The following FAM171B variants were observed in gnomAD, a reference collection of about 807,000 sequenced individuals.
The protein encoded by FAM171B is protein FAM171B.
Under a neutral mutation model 75.6 loss-of-function variants are expected in FAM171B, and 19 were observed. The ratio of observed to expected loss-of-function variants is 0.25; its 90% CI spans 0.18 to 0.37. The LOEUF is 0.37. Ranked by LOEUF, FAM171B falls within the 10% of genes least tolerant of loss-of-function variation. The pLI is 1.00. For missense variants in FAM171B, 848 were observed against 982.4 expected (o/e 0.86, Z 1.83); for synonymous variants, 367 against 361.7 (o/e 1.01, Z -0.17).
At position 186,743,505 on chromosome 2, in the gene FAM171B, A is replaced by G; in HGVS notation, c.495A>G (p.Ser165=). 1 of 1,611,980 alleles carries G rather than the reference A, an allele frequency of 6.2e-7. No homozygotes were observed. Among genetic ancestry groups the G allele is most frequent in the South Asian group, 1.1e-5 (1 of 90,938 alleles). Residue 165 remains serine, a synonymous_variant, in exon 3 of 8, where the codon TCA becomes TCG. Transcript: ENST00000304698. The stretch of plus-strand genomic sequence containing the variant: ...CAGTATATTCATCAGTTACACTTTC[A>G]CTGTTCCCGCAAAGCCAAGCAAATA... ...RMPIYSSVTL[S]LFPQSQANIW... is the part of the protein sequence containing the mutation.
chr2:186,724,705 T>A (rs904402341), intron 1 of FAM171B, among the ~76,000 whole-genome samples: 2 of 152,128 alleles, frequency 1.3e-5, no homozygotes, highest in Non-Finnish European at 2.9e-5. Flanking sequence ...CCATTTGGAT[T>A]TCAGAGAGAA....
rs1491572210 is a variant in FAM171B at position 186,707,840 on chromosome 2, TTA to T, written c.238+13430_238+13431del. 5.8e-4 allele frequency among the ~76,000 whole-genome samples: 62 copies of T among 106,580 alleles called. 1 individual carries two copies. The highest frequency in any genetic ancestry group is 5.0e-3 in the Middle Eastern group (1 of 200). 69.9% of individuals were successfully genotyped at this position (106,580 alleles called of 152,430 possible). On this transcript the variant is annotated intron_variant, in intron 1 of 7. Coordinates refer to ENST00000304698, the MANE Select transcript of FAM171B (RefSeq NM_177454.4). The stretch of plus-strand genomic sequence containing the variant: ...TTAGCTTAAATACCACTTTTTTTTT[TTA>T]AAAAAAAAAAAAGGTTTTTCATTGA...
At chr2:186,718,991 A>G (rs78674893) in intron 1 of FAM171B, among the ~76,000 whole-genome samples, 32 of 152,274 alleles carry the variant, frequency 2.1e-4, no homozygotes, top group African/African-American at 7.2e-4. Flanking sequence ...TCTGCTATTC[A>G]TGCTGTGCTA....
chr2:186,759,654 A>G (rs879841692), intron 6 of FAM171B, among the ~76,000 whole-genome samples: 2 of 151,888 alleles, frequency 1.3e-5, no homozygotes, highest in Non-Finnish European at 2.9e-5. Context: ...GAAATGTTCT[A>G]TTCAAGTCTT....
intron 1 of FAM171B, chr2:186,695,071 G>A (rs1689559550): frequency 6.6e-6 from 1 of 152,240 alleles, no homozygotes. Context: ...GAAGGAAAGG[G>A]AAAAGGAGAG....
At chr2:186,726,277 T>TTTTTTC (rs1175151787) in intron 1 of FAM171B, among the ~76,000 whole-genome samples, 1 of 152,172 alleles carries the variant, frequency 6.6e-6, no homozygotes. Flanking sequence ...ACGCACATAT[T>TTTTTTC]TTTTTCTTTT....
In FAM171B at chr2:186,762,790, GCGAGAGGAACGCC is replaced by G; in HGVS notation, c.2450_2462del (p.Arg817HisfsTer2). The G allele has an allele frequency of 6.2e-7, 1 of 1,612,882 alleles. No individual in the cohort carries two copies. The highest frequency in any genetic ancestry group is 1.1e-5 in the South Asian group (1 of 91,016). On this transcript the variant is annotated frameshift_variant, in exon 8 of 8. Transcript: ENST00000304698. LOFTEE classifies it high-confidence loss of function. The surrounding 1 kb of genome is among the most constrained non-coding windows in gnomAD (Gnocchi z 4.0). ...ATAGCAAGACTAACATCTGGAAGAAGCGAGAGGAACGCCCACTGATTCCCATAAATTAACTCCA... is the reference window on the plus strand; with the variant it reads ...ATAGCAAGACTAACATCTGGAAGAAGCACTGATTCCCATAAATTAACTCCA...
At chr2:186,731,587 A>G (rs1262317857) in intron 1 of FAM171B, among the ~76,000 whole-genome samples, 1 of 152,176 alleles carries the variant, frequency 6.6e-6, no homozygotes, top group East Asian at 1.9e-4. Context: ...CTACACTTAT[A>G]GTTTTTTATA....
chr2:186,731,916 C>T (rs1048288473), intron 1 of FAM171B, among the ~76,000 whole-genome samples: 28 of 152,242 alleles, frequency 1.8e-4, no homozygotes, highest in African/African-American at 6.5e-4. Flanking sequence ...GATGATCTGT[C>T]ACTCTCTCCC....
chr2:186,739,639 GAAGTGTCATCTCCC>G (rs1232015904), intron 1 of FAM171B, among the ~76,000 whole-genome samples: 1 of 152,146 alleles, frequency 6.6e-6, no homozygotes, highest in African/African-American at 2.4e-5. Flanking sequence ...AGCATGCATG[GAAGTGTCATCTCCC>G]AAGATAACAA....
chr2:186,714,270 G>A (rs1051711232), intron 1 of FAM171B, among the ~76,000 whole-genome samples: 27 of 152,250 alleles, frequency 1.8e-4, no homozygotes, highest in African/African-American at 6.5e-4. Context: ...GGAAGATTGT[G>A]TTCTGTGAAA....
In FAM171B at chr2:186,738,691, C is replaced by T. The variant is rs1371498035; in HGVS notation, c.239-1537C>T. Reference sequence around the variant, plus strand: ...CATTTTTGACTGTCTAGGAATTTGTCTGTCTCCTGTTGCTATTGATAGCAT... The same window carrying T: ...CATTTTTGACTGTCTAGGAATTTGTTTGTCTCCTGTTGCTATTGATAGCAT... On this transcript the variant is annotated intron_variant, in intron 1 of 7. Transcript: ENST00000304698. Among the ~76,000 whole-genome samples the T allele has an allele frequency of 5.3e-5, 8 of 152,138 alleles. No homozygotes were observed. The East Asian group carries it at 1.5e-3, about 29-fold the overall frequency.
intron 1 of FAM171B, among the ~76,000 whole-genome samples, chr2:186,721,855 A>G (rs1169919567): frequency 1.3e-5 from 2 of 152,088 alleles, no homozygotes; most frequent in African/African-American, 4.8e-5. Context: ...TATTTTGGTA[A>G]CAAGACAACT....
intron 6 of FAM171B, among the ~76,000 whole-genome samples, chr2:186,758,992 C>A (rs1370910737): frequency 2.6e-5 from 4 of 151,524 alleles, no homozygotes; most frequent in African/African-American, 9.7e-5. Context: ...ATCATTCTAC[C>A]CTCAATTTCC....
In FAM171B at chr2:186,761,704, A is replaced by G. The variant is rs1690618633; in HGVS notation, c.1362A>G (p.Val454=). 1 of 1,612,852 alleles carries G rather than the reference A, an allele frequency of 6.2e-7. No individual in the cohort carries two copies. Among genetic ancestry groups the G allele is most frequent in the South Asian group, 1.1e-5 (1 of 90,844 alleles). ...KAETEERVSM[V]KTRDDFKIYN... is the part of the protein sequence containing the mutation. ...AAACAGAAGAAAGAGTTTCCATGGT[A>G]AAAACTCGGGACGATTTTAAAATCT... is the stretch of plus-strand genomic sequence containing the variant. The change falls in exon 8 of 8, where the codon GTA becomes GTG. Residue 454 remains valine, a synonymous_variant. Coordinates refer to ENST00000304698, the MANE Select transcript of FAM171B (RefSeq NM_177454.4).
At chr2:186,707,307 C>A (rs1321967969) in intron 1 of FAM171B, among the ~76,000 whole-genome samples, 2 of 152,178 alleles carry the variant, frequency 1.3e-5, no homozygotes, top group Non-Finnish European at 2.9e-5. Flanking sequence ...CACTCCTCTT[C>A]ATCTATCAGC....
At chr2:186,720,700 CAAAAAAAAAA>C (rs71411184) in intron 1 of FAM171B, among the ~76,000 whole-genome samples, 3 of 110,250 alleles carry the variant, frequency 2.7e-5, no homozygotes, top group Non-Finnish European at 5.3e-5. Context: ...AGATCATGTA[CAAAAAAAAAA>C]AAAAAAGAAA....
chr2:186,739,800 G>A (rs1040206383), intron 1 of FAM171B, among the ~76,000 whole-genome samples: 6 of 152,078 alleles, frequency 3.9e-5, no homozygotes, highest in Admixed American at 6.5e-5. Flanking sequence ...AACCAGTAAC[G>A]TAATCTATTA....
At chr2:186,760,239 G>A (rs558981551) in intron 6 of FAM171B, among the ~76,000 whole-genome samples, 5 of 152,124 alleles carry the variant, frequency 3.3e-5, no homozygotes, top group South Asian at 2.1e-4. Flanking sequence ...ATTCGTATAC[G>A]TATGTTCTCA....
Sources: gnomAD v4.1 joint callset for allele counts (sites outside exome capture counted in the v4.1 genomes callset) on GRCh38, gnomAD v4.1.1 for gene constraint, Gnocchi (gnomAD v3.1) non-coding constraint, MANE v1.5 for transcripts, NCBI Gene and HGNC (gene_info 2026-07-23, HGNC 2026-07-21) for gene names.